The following RORA variants were observed in gnomAD, a reference collection of about 807,000 sequenced individuals.
RORA encodes RAR related orphan receptor A.
A neutral mutation model predicts 69.5 loss-of-function variants in RORA; 7 were observed. The observed-to-expected ratio is 0.10, with a 90% CI of 0.06 to 0.19. RORA has a LOEUF of 0.19. RORA is among the 10% of genes least tolerant of loss of function. The pLI, the probability that RORA is intolerant of heterozygous loss-of-function variation, is 1.00. For missense variants in RORA, 457 were observed against 663.0 expected (o/e 0.69, Z 3.41); for synonymous variants, 261 against 240.8 (o/e 1.08, Z -0.78).
chr15:60,913,092 C>T (rs764288296), intron 1 of RORA, among the ~76,000 whole-genome samples: 67 of 152,324 alleles, frequency 4.4e-4, no homozygotes, highest in Non-Finnish European at 8.1e-4. Context: ...TACTGATAAT[C>T]TGCCTAAAGT....
At chr15:60,761,263 C>G (rs1001398583) in intron 1 of RORA, among the ~76,000 whole-genome samples, 2 of 152,164 alleles carry the variant, frequency 1.3e-5, no homozygotes, top group African/African-American at 2.4e-5. Context: ...CTCTTGATTG[C>G]AAACCTCTGG....
At chr15:60,901,442 G>A (rs1008129028) in intron 1 of RORA, among the ~76,000 whole-genome samples, 1 of 152,190 alleles carries the variant, frequency 6.6e-6, no homozygotes, top group Non-Finnish European at 1.5e-5. Flanking sequence ...AAAGTGTTGG[G>A]ATTACAGGTG....
chr15:60,586,439 T>C (rs1030782431), intron 2 of RORA, among the ~76,000 whole-genome samples: 2 of 151,928 alleles, frequency 1.3e-5, no homozygotes, highest in East Asian at 1.9e-4. Flanking sequence ...GGACAGCAGA[T>C]ATTACGTATT....
chr15:60,909,749 C>T (rs939254225), intron 1 of RORA, among the ~76,000 whole-genome samples: 2 of 152,246 alleles, frequency 1.3e-5, no homozygotes, highest in Non-Finnish European at 2.9e-5. Context: ...TCTCACCACC[C>T]TTGTTGTTCC....
intron 3 of RORA, among the ~76,000 whole-genome samples, chr15:60,519,753 A>C (rs1287191991): frequency 6.6e-6 from 1 of 151,988 alleles, no homozygotes; most frequent in Non-Finnish European, 1.5e-5. Context: ...TGAGTCCATC[A>C]TTTTTCCTCA....
intron 1 of RORA, among the ~76,000 whole-genome samples, chr15:61,203,869 G>A (rs1450259272): frequency 2.6e-5 from 4 of 152,210 alleles, no homozygotes; most frequent in Non-Finnish European, 5.9e-5. Flanking sequence ...CGCAACATTA[G>A]ATGCCTCCTA....
At chr15:61,164,992 C>T (rs2079528561) in intron 1 of RORA, among the ~76,000 whole-genome samples, 1 of 152,140 alleles carries the variant, frequency 6.6e-6, no homozygotes, top group Non-Finnish European at 1.5e-5. Flanking sequence ...TCACCCTGCA[C>T]CACCTACCCC....
chr15:61,172,831 G>C (rs1225657829), intron 1 of RORA, among the ~76,000 whole-genome samples: 1 of 151,944 alleles, frequency 6.6e-6, no homozygotes, highest in Admixed American at 6.5e-5. Flanking sequence ...ATGTATCCTG[G>C]GCTGGGAGGA....
At chr15:60,926,332 G>C (rs1892217512) in intron 1 of RORA, among the ~76,000 whole-genome samples, 1 of 152,172 alleles carries the variant, frequency 6.6e-6, no homozygotes, top group Non-Finnish European at 1.5e-5. Flanking sequence ...GCTGACACCT[G>C]GCTGTCTACA....
Position 60,629,187 on chromosome 15 carries a change from C to CTTTTTTTTTTTTTTTTT in RORA, c.196+49453_196+49469dup, listed in dbSNP as rs34687322. Among the ~76,000 whole-genome samples, 34 of 112,020 alleles carry CTTTTTTTTTTTTTTTTT rather than the reference C, an allele frequency of 3.0e-4. 1 individual carries two copies. The highest frequency in any genetic ancestry group is 5.9e-4 in the African/African-American group (16 of 26,994). The allele number at this position is 112,020 out of a possible 152,430, so 73.5% of individuals were successfully genotyped here. ...TGTTTATAAGGATTGACTGTTTATT[C>CTTTTTTTTTTTTTTTTT]TTTTTTTTTTTTTTTTTTGAAACAG... On this transcript the variant is annotated intron_variant, in intron 2 of 10. Transcript: ENST00000335670.
At chr15:61,102,391 G>C (rs1266732431) in intron 1 of RORA, among the ~76,000 whole-genome samples, 7 of 152,122 alleles carry the variant, frequency 4.6e-5, no homozygotes, top group Non-Finnish European at 1.0e-4. Flanking sequence ...CAAAAGAAAA[G>C]CCCTGCTTCC....
In RORA at chr15:60,511,924, G is replaced by A. The variant is rs941905583; in HGVS notation, c.425-303C>T. The A allele has an allele frequency of 1.0e-4, 32 of 316,498 alleles. No homozygotes were observed. The highest frequency in any genetic ancestry group is 5.6e-4 in the African/African-American group (26 of 46,228). 19.6% of individuals were successfully genotyped at this position (316,498 alleles called of 1,614,324 possible). On this transcript the variant is annotated intron_variant, in intron 4 of 10. Coordinates refer to ENST00000335670, the MANE Select transcript of RORA (RefSeq NM_134261.3). This position sits in a 1 kb window ranked among gnomAD's most constrained non-coding sequence, Gnocchi z 6.4. Reference sequence around the variant, plus strand: ...CTGTCACATCCCCCGTTTCCACTGCGCCCCACTGATAACTTAATGGGCTTG... The same window carrying A: ...CTGTCACATCCCCCGTTTCCACTGCACCCCACTGATAACTTAATGGGCTTG...
intron 1 of RORA, among the ~76,000 whole-genome samples, chr15:61,062,657 T>C (rs1055410161): frequency 6.6e-6 from 1 of 152,184 alleles, no homozygotes; most frequent in Non-Finnish European, 1.5e-5. Context: ...TTGCATATCA[T>C]ATGTATATTA....
intron 1 of RORA, among the ~76,000 whole-genome samples, chr15:60,923,269 G>A (rs868311170): frequency 5.5e-4 from 83 of 152,172 alleles, no homozygotes; most frequent in Admixed American, 4.6e-3. Context: ...TTCTTACCAC[G>A]TTTTATTAAA....
intron 1 of RORA, among the ~76,000 whole-genome samples, chr15:61,177,432 T>G (rs890265509): frequency 6.6e-6 from 1 of 152,172 alleles, no homozygotes; most frequent in East Asian, 1.9e-4. Flanking sequence ...ACTTTATAAA[T>G]CACTGTATTA....
chr15:60,875,061 G>A (rs1035707584), intron 1 of RORA, among the ~76,000 whole-genome samples: 10 of 152,080 alleles, frequency 6.6e-5, no homozygotes, highest in Admixed American at 5.9e-4. Context: ...CTGAGACTCA[G>A]AGAGGTGACA....
At chr15:60,940,925 C>CTAAA (rs1296246642) in intron 1 of RORA, among the ~76,000 whole-genome samples, 3 of 152,150 alleles carry the variant, frequency 2.0e-5, no homozygotes, top group Admixed American at 1.3e-4. Flanking sequence ...GACTCTGTCT[C>CTAAA]TAAATAAATA....
chr15:60,640,580 G>A (rs979590143), intron 2 of RORA, among the ~76,000 whole-genome samples: 16 of 152,020 alleles, frequency 1.1e-4, no homozygotes, highest in African/African-American at 3.9e-4. Flanking sequence ...CCTGCCTACC[G>A]CTTTCCTTTT....
chr15:60,713,411 TCTTGGTTC>T (rs1435053015), intron 1 of RORA, among the ~76,000 whole-genome samples: 1 of 152,204 alleles, frequency 6.6e-6, no homozygotes, highest in Non-Finnish European at 1.5e-5. Context: ...TACTTAAAAT[TCTTGGTTC>T]CTACTGTCAG....
Sources: gnomAD v4.1 joint callset for allele counts (sites outside exome capture counted in the v4.1 genomes callset) on GRCh38, gnomAD v4.1.1 for gene constraint, Gnocchi (gnomAD v3.1) non-coding constraint, MANE v1.5 for transcripts, NCBI Gene and HGNC (gene_info 2026-07-23, HGNC 2026-07-21) for gene names.